The following NHSL1 variants were observed in gnomAD, a reference collection of about 807,000 sequenced individuals.
NHSL1 encodes the protein NHS like 1, also known as NHS-like protein 1.
In NHSL1, 48 loss-of-function variants were observed where a neutral mutation model predicts 95.0. That is an observed-to-expected ratio of 0.51 (90% CI 0.40 to 0.64). The LOEUF (loss-of-function observed/expected upper bound fraction) is 0.64. Among genes scored for constraint, NHSL1 ranks in the 30% least tolerant of loss-of-function variants. NHSL1 has a pLI of 0.00. For synonymous variants in NHSL1, 783 were observed against 833.9 expected (o/e 0.94, Z 1.05); for missense variants, 1,971 against 2,077.7 (o/e 0.95, Z 1.00).
intron 1 of NHSL1, among the ~76,000 whole-genome samples, chr6:138,601,463 G>A (rs1638457249): frequency 6.6e-6 from 1 of 152,108 alleles, no homozygotes; most frequent in Non-Finnish European, 1.5e-5. Context: ...TACAAGAGGA[G>A]TACTATTTTA....
chr6:138,591,716 G>A (rs1784230255), intron 1 of NHSL1, among the ~76,000 whole-genome samples: 1 of 152,192 alleles, frequency 6.6e-6, no homozygotes, highest in Non-Finnish European at 1.5e-5. Flanking sequence ...ACAGGTGTGA[G>A]CCACCCTGCC....
At chr6:138,475,266 C>G (rs1283030067) in intron 2 of NHSL1, among the ~76,000 whole-genome samples, 1 of 151,588 alleles carries the variant, frequency 6.6e-6, no homozygotes, top group African/African-American at 2.4e-5. Context: ...GTCACGCAGG[C>G]TGGAGTGCAG....
chr6:138,450,961 C>T (rs943192614), intron 3 of NHSL1, among the ~76,000 whole-genome samples: 1 of 152,208 alleles, frequency 6.6e-6, no homozygotes, highest in African/African-American at 2.4e-5. Context: ...TAACTACCCC[C>T]ACTTTTCTGC....
intron 3 of NHSL1, among the ~76,000 whole-genome samples, chr6:138,457,385 T>C (rs1777686043): frequency 6.6e-6 from 1 of 151,924 alleles, no homozygotes; most frequent in Non-Finnish European, 1.5e-5. Flanking sequence ...ACACATAGAG[T>C]CCTACTTGGT....
intron 3 of NHSL1, among the ~76,000 whole-genome samples, chr6:138,456,034 G>T (rs1431149962): frequency 6.6e-6 from 1 of 152,204 alleles, no homozygotes; most frequent in Non-Finnish European, 1.5e-5. Flanking sequence ...GCCAGGCACT[G>T]TGCTAAGGGT....
At chr6:138,549,137 G>A (rs965597095), upstream of NHSL1, among the ~76,000 whole-genome samples, 8 of 151,958 alleles carry the variant, frequency 5.3e-5, no homozygotes, top group South Asian at 2.1e-4. Flanking sequence ...TAATCCCAGC[G>A]CTTTAGGAGG....
chr6:138,680,732 T>A (rs182199255), intron 1 of NHSL1, among the ~76,000 whole-genome samples: 1 of 152,274 alleles, frequency 6.6e-6, no homozygotes, highest in African/African-American at 2.4e-5. Flanking sequence ...CCCTCCAGCC[T>A]CAGCCTCCCA....
chr6:138,554,238 C>A (rs191225674), intron 1 of NHSL1, among the ~76,000 whole-genome samples: 13 of 152,292 alleles, frequency 8.5e-5, no homozygotes, highest in Admixed American at 5.2e-4. Flanking sequence ...ACAGTAGGTC[C>A]TTTCACGTTG....
intron 1 of NHSL1, among the ~76,000 whole-genome samples, chr6:138,510,910 T>C (rs1351240072): frequency 1.3e-5 from 2 of 152,226 alleles, no homozygotes; most frequent in Non-Finnish European, 1.5e-5. Context: ...TGTAGATTTC[T>C]GACTTGATGC....
chr6:138,478,007 T>C lies in NHSL1; in HGVS notation c.212-4574A>G, dbSNP rs149266062. On this transcript the variant is annotated intron_variant, in intron 2 of 7. Transcript: ENST00000343505. The stretch of plus-strand genomic sequence containing the variant: ...CATCTTTTTTTCACCATGAAATTTA[T>C]GTCACTTTTTTTTTTTTTTTTTTTT... Among the ~76,000 whole-genome samples, 1,015 of 144,420 alleles carry C rather than the reference T, an allele frequency of 7.0e-3. 11 individuals carry two copies. The highest frequency in any genetic ancestry group is 0.023 in the Admixed American group (322 of 13,790). 94.7% of individuals were successfully genotyped at this position (144,420 alleles called of 152,430 possible).
intron 1 of NHSL1, among the ~76,000 whole-genome samples, chr6:138,600,744 T>C (rs535783453): frequency 6.6e-6 from 1 of 152,302 alleles, no homozygotes; most frequent in East Asian, 1.9e-4. Context: ...TTAGAGCTTA[T>C]AGTCTGGCAA....
intron 1 of NHSL1, among the ~76,000 whole-genome samples, chr6:138,641,990 G>A (rs964539616): frequency 6.6e-6 from 1 of 152,074 alleles, no homozygotes; most frequent in Admixed American, 6.5e-5. Context: ...AAGGTATCAT[G>A]TTACATTTAT....
At chr6:138,540,207 G>A (rs1782525616) in intron 1 of NHSL1, among the ~76,000 whole-genome samples, 1 of 152,216 alleles carries the variant, frequency 6.6e-6, no homozygotes, top group Non-Finnish European at 1.5e-5. Flanking sequence ...AGGAAGAATT[G>A]TAGAACAATG....
chr6:138,473,174 C>G (rs953973143), intron 3 of NHSL1, 132 bp downstream of exon 3: 8 of 820,546 alleles, frequency 9.7e-6, no homozygotes, highest in African/African-American at 1.8e-5. Flanking sequence ...TTGTCAAAAC[C>G]AAGAAATTCA....
intron 1 of NHSL1, among the ~76,000 whole-genome samples, chr6:138,564,025 C>T (rs1783512529): frequency 6.6e-6 from 1 of 152,166 alleles, no homozygotes; most frequent in East Asian, 1.9e-4. Context: ...TCTCTGTTCA[C>T]TAAAGCCAAC....
intron 1 of NHSL1, among the ~76,000 whole-genome samples, chr6:138,679,520 T>A (rs755250078): frequency 1.3e-5 from 2 of 152,204 alleles, no homozygotes; most frequent in Non-Finnish European, 2.9e-5. Context: ...AGCAATATAT[T>A]AATACTACAG....
At chr6:138,507,147 C>T (rs527842558) in intron 1 of NHSL1, among the ~76,000 whole-genome samples, 5 of 152,268 alleles carry the variant, frequency 3.3e-5, no homozygotes, top group South Asian at 4.1e-4. Flanking sequence ...GTGGAAGAAC[C>T]GGCCAGGCAT....
intron 1 of NHSL1, among the ~76,000 whole-genome samples, chr6:138,627,505 T>C (rs774854603): frequency 1.3e-5 from 2 of 152,236 alleles, no homozygotes; most frequent in African/African-American, 2.4e-5. Context: ...ATTTGGTATA[T>C]ATAAACTAAA....
intron 1 of NHSL1, among the ~76,000 whole-genome samples, chr6:138,670,474 G>A (rs943030310): frequency 1.6e-4 from 24 of 151,124 alleles, no homozygotes; most frequent in African/African-American, 5.3e-4. Flanking sequence ...AGACCATCCC[G>A]GCTAAAACGG....
Sources: gnomAD v4.1 joint callset for allele counts (sites outside exome capture counted in the v4.1 genomes callset) on GRCh38, gnomAD v4.1.1 for gene constraint, MANE v1.5 for transcripts, NCBI Gene and HGNC (gene_info 2026-07-23, HGNC 2026-07-21) for gene names.